RAB5B: variants seen among roughly 807,000 people sequenced by gnomAD.
RAB5B encodes the protein RAB5B, member RAS oncogene family, also known as ras-related protein Rab-5B.
In RAB5B, 11 loss-of-function variants were observed where a neutral mutation model predicts 28.6. The ratio of observed to expected loss-of-function variants is 0.38; its 90% CI spans 0.24 to 0.64. The LOEUF (loss-of-function observed/expected upper bound fraction) is 0.64. RAB5B is among the 30% of genes least tolerant of loss of function. The probability of loss-of-function intolerance (pLI) is 0.53; values close to 1 mark genes in which losing one functional copy is unlikely to be tolerated. For missense variants in RAB5B, 169 were observed against 265.6 expected (o/e 0.64, Z 2.53); for synonymous variants, 93 against 97.9 (o/e 0.95, Z 0.29).
chr12:55,975,799 T>C (rs1002494502), intron 1 of RAB5B, among the ~76,000 whole-genome samples: 2 of 146,784 alleles, frequency 1.4e-5, no homozygotes, highest in African/African-American at 5.1e-5. Context: ...TCTTTTTTTT[T>C]TTTTTTTTTT....
chr12:55,996,003 A>ATATATATATATATATATATT lies in RAB5B; in HGVS notation c.*3792_*3793insATATATATATATATATATTT. On this transcript the variant is annotated 3_prime_UTR_variant, in exon 6 of 6. Coordinates refer to ENST00000360299, the MANE Select transcript of RAB5B (RefSeq NM_002868.4). ...TATATACATATATATATATATATATATTTTTTTTTTAACAACTGGTAGGAT... is the reference window on the plus strand; with the variant it reads ...TATATACATATATATATATATATATATATATATATATATATATATTTTTTTTTTTTAACAACTGGTAGGAT... 4.1e-5 allele frequency: 4 copies of ATATATATATATATATATATT among 97,432 alleles called. No individual in the cohort carries two copies. The highest frequency in any genetic ancestry group is 9.5e-5 in the African/African-American group (2 of 21,122). 6.0% of individuals were successfully genotyped at this position (97,432 alleles called of 1,614,324 possible). A position where few individuals can be genotyped will look rare whatever the true frequency, so the allele number is the denominator to read the frequency against.
chr12:55,987,843 A>T (rs2136485197), intron 2 of RAB5B, among the ~76,000 whole-genome samples: 1 of 151,086 alleles, frequency 6.6e-6, no homozygotes, highest in Admixed American at 6.6e-5. Context: ...AAAAAAAAAA[A>T]AAAATCAAAA....
At position 55,995,983 on chromosome 12, in the gene RAB5B, A is replaced by ATATATATATATAT. The variant is rs1890282313; in HGVS notation, c.*3771_*3772insTATATATATATAT. On this transcript the variant is annotated 3_prime_UTR_variant, in exon 6 of 6. Coordinates refer to ENST00000360299, the MANE Select transcript of RAB5B (RefSeq NM_002868.4). The stretch of plus-strand genomic sequence containing the variant: ...ACTCTCTCTCTCTCCATATATATAT[A>ATATATATATATAT]CATATATATATATATATATATTTTT... 1 of 105,434 alleles carries ATATATATATATAT rather than the reference A, an allele frequency of 9.5e-6. No homozygotes were observed. The highest frequency in any genetic ancestry group is 9.2e-5 in the Admixed American group (1 of 10,918). The allele number at this position is 105,434 out of a possible 1,614,324, so 6.5% of individuals were successfully genotyped here.
rs962611273 is a variant in RAB5B, at chr12:55,995,074, A to T, written c.*2862A>T. On this transcript the variant is annotated 3_prime_UTR_variant, in exon 6 of 6. Coordinates refer to ENST00000360299, the MANE Select transcript of RAB5B (RefSeq NM_002868.4). ...AGAGGGGTGCTATTTGAAGTAGTAT[A>T]CAAAAATGTATGTGCATATTTCTTT... 5 of 152,060 alleles carry T rather than the reference A, an allele frequency of 3.3e-5. No individual in the cohort carries two copies. Among genetic ancestry groups the T allele is most frequent in the African/African-American group, 1.2e-4 (5 of 41,408 alleles). 9.4% of individuals were successfully genotyped at this position (152,060 alleles called of 1,614,324 possible).
intron 1 of RAB5B, among the ~76,000 whole-genome samples, chr12:55,986,410 G>A (rs1281727780): frequency 1.3e-5 from 2 of 152,112 alleles, no homozygotes; most frequent in Non-Finnish European, 2.9e-5. Context: ...TTGTGCCATT[G>A]CACTCCAGCC....
At chr12:55,982,461 A>AT (rs966924718) in intron 1 of RAB5B, among the ~76,000 whole-genome samples, 3 of 152,110 alleles carry the variant, frequency 2.0e-5, no homozygotes, top group African/African-American at 7.2e-5. Flanking sequence ...AAGGCAGGAC[A>AT]TATTCTTTCT....
intron 3 of RAB5B, 74 bp downstream of exon 3, chr12:55,990,172 T>G (rs752127095): frequency 4.0e-5 from 59 of 1,464,362 alleles, no homozygotes; most frequent in African/African-American, 4.2e-5. Flanking sequence ...CACTTTAGGA[T>G]GCCAAGGCGG....
chr12:55,995,102 T>G lies in RAB5B; in HGVS notation c.*2890T>G, dbSNP rs1890248444. Reference sequence around the variant, plus strand: ...AAAATGTATGTGCATATTTCTTTTTTTTTTTTTAATTGAGACGGAGTCTCT... The same window carrying G: ...AAAATGTATGTGCATATTTCTTTTTGTTTTTTTAATTGAGACGGAGTCTCT... On this transcript the variant is annotated 3_prime_UTR_variant, in exon 6 of 6. Coordinates refer to ENST00000360299, the MANE Select transcript of RAB5B (RefSeq NM_002868.4). 6.6e-6 allele frequency: 1 copy of G among 152,090 alleles called. No individual in the cohort carries two copies. The highest frequency in any genetic ancestry group is 2.1e-4 in the South Asian group (1 of 4,832). 9.4% of individuals were successfully genotyped at this position (152,090 alleles called of 1,614,324 possible).
chr12:55,985,223 T>G (rs1889920597), intron 1 of RAB5B, among the ~76,000 whole-genome samples: 1 of 152,160 alleles, frequency 6.6e-6, no homozygotes. Flanking sequence ...TCCTCTGAAT[T>G]GCCTCCTGTA....
At chr12:55,990,382 TC>T (rs1745894725) in intron 3 of RAB5B, among the ~76,000 whole-genome samples, 1 of 151,318 alleles carries the variant, frequency 6.6e-6, no homozygotes, top group South Asian at 2.1e-4. Flanking sequence ...CACTCTAGCC[TC>T]GGCGACAGAG....
At position 55,993,049 on chromosome 12, in the gene RAB5B, G is replaced by T; in HGVS notation, c.*837G>T. 5.7e-6 allele frequency: 1 copy of T among 176,340 alleles called. No individual in the cohort carries two copies. Among genetic ancestry groups the T allele is most frequent in the Non-Finnish European group, 1.2e-5 (1 of 85,482 alleles). 10.9% of individuals were successfully genotyped at this position (176,340 alleles called of 1,614,324 possible). A position where few individuals can be genotyped will look rare whatever the true frequency, so the allele number is the denominator to read the frequency against. ...TTTTCACTGGTTGCCTGCATCTTTG[G>T]CTCTGCTGTGATCTGATTGGAGGAG... On this transcript the variant is annotated 3_prime_UTR_variant, in exon 6 of 6. Transcript: ENST00000360299.
rs989370615 is a variant in RAB5B, at chr12:55,994,811, C to A, written c.*2599C>A. 100 of 152,250 alleles carry A rather than the reference C, an allele frequency of 6.6e-4. No individual in the cohort carries two copies. Among genetic ancestry groups the A allele is most frequent in the African/African-American group, 2.4e-3 (99 of 41,516 alleles). The allele number at this position is 152,250 out of a possible 1,614,324, so 9.4% of individuals were successfully genotyped here. ...GGAAGAAAGGATACCCAGTAATGTT[C>A]TACTGAATCAGAAACACACCTTTCC... is the stretch of plus-strand genomic sequence containing the variant. On this transcript the variant is annotated 3_prime_UTR_variant, in exon 6 of 6. Coordinates refer to ENST00000360299, the MANE Select transcript of RAB5B (RefSeq NM_002868.4).
intron 1 of RAB5B, among the ~76,000 whole-genome samples, chr12:55,981,773 C>T (rs972177880): frequency 1.3e-5 from 2 of 151,352 alleles, no homozygotes. Flanking sequence ...GTTAATGGGT[C>T]ATTTTATAAG....
chr12:55,982,423 G>A (rs535283900), intron 1 of RAB5B, among the ~76,000 whole-genome samples: 1 of 152,002 alleles, frequency 6.6e-6, no homozygotes, highest in Non-Finnish European at 1.5e-5. Context: ...GCTTAGAGGT[G>A]GCTCAACAAT....
At chr12:55,975,683 G>C (rs1323575740) in intron 1 of RAB5B, among the ~76,000 whole-genome samples, 1 of 151,382 alleles carries the variant, frequency 6.6e-6, no homozygotes, top group Non-Finnish European at 1.5e-5. Context: ...TATTTTTAAT[G>C]GTCTGCTAGC....
Position 55,994,299 on chromosome 12 carries a change from T to C in RAB5B, c.*2087T>C, listed in dbSNP as rs950332810. The C allele has an allele frequency of 6.6e-6, 1 of 152,350 alleles. No homozygotes were observed. The highest frequency in any genetic ancestry group is 1.5e-5 in the Non-Finnish European group (1 of 68,032). 9.4% of individuals were successfully genotyped at this position (152,350 alleles called of 1,614,324 possible). A position where few individuals can be genotyped will look rare whatever the true frequency, so the allele number is the denominator to read the frequency against. On this transcript the variant is annotated 3_prime_UTR_variant, in exon 6 of 6. Transcript: ENST00000360299. ...CAAAGTCTTCTAGAAATGAAGTTCT[T>C]TCTCTGTGCAGCTTTCCCCCTTGGA...
At position 55,993,265 on chromosome 12, in the gene RAB5B, A is replaced by G. The variant is rs1194543656; in HGVS notation, c.*1053A>G. Reference sequence around the variant, plus strand: ...GCCCTCCCACCTTCTTTTTAATTCAATGAAATCTGAGGTTAATGCGAGGTT... The same window carrying G: ...GCCCTCCCACCTTCTTTTTAATTCAGTGAAATCTGAGGTTAATGCGAGGTT... On this transcript the variant is annotated 3_prime_UTR_variant, in exon 6 of 6. Transcript: ENST00000360299. 1.3e-5 allele frequency: 2 copies of G among 152,618 alleles called. No homozygotes were observed. Among genetic ancestry groups the G allele is most frequent in the African/African-American group, 2.4e-5 (1 of 41,430 alleles). The allele number at this position is 152,618 out of a possible 1,614,324, so 9.5% of individuals were successfully genotyped here. A position where few individuals can be genotyped will look rare whatever the true frequency, so the allele number is the denominator to read the frequency against.
chr12:55,991,814 C>G (rs1053559745), intron 5 of RAB5B: 1 of 426,432 alleles, frequency 2.3e-6, no homozygotes, highest in Non-Finnish European at 4.3e-6. Flanking sequence ...GTAGTCCCAG[C>G]TACTTGGGAG....
intron 2 of RAB5B, among the ~76,000 whole-genome samples, chr12:55,988,962 T>C (rs1890032688): frequency 8.7e-6 from 1 of 114,316 alleles, no homozygotes; most frequent in African/African-American, 3.0e-5. Flanking sequence ...TTTTTTTGGA[T>C]ACTGAGTCTC....
Sources: gnomAD v4.1 joint callset for allele counts (sites outside exome capture counted in the v4.1 genomes callset) on GRCh38, gnomAD v4.1.1 for gene constraint, MANE v1.5 for transcripts, NCBI Gene and HGNC (gene_info 2026-07-23, HGNC 2026-07-21) for gene names.